The following AIM2 variants were observed in gnomAD, a reference collection of about 807,000 sequenced individuals.
AIM2 encodes absent in melanoma 2, also known as interferon-inducible protein AIM2.
Under a neutral mutation model 27.7 loss-of-function variants are expected in AIM2, and 30 were observed. The observed-to-expected ratio is 1.08, with a 90% CI of 0.81 to 1.47. The LOEUF is 1.47. AIM2 is among the 40% of genes most tolerant of loss of function. The probability of loss-of-function intolerance (pLI) is 0.00; values close to 1 mark genes in which losing one functional copy is unlikely to be tolerated. For missense variants in AIM2, 358 were observed against 411.3 expected (o/e 0.87, Z 1.12); for synonymous variants, 141 against 145.3 (o/e 0.97, Z 0.21).
At chr1:159,125,813 T>C (rs1356323453) in intron 1 of AIM2, among the ~76,000 whole-genome samples, 3 of 152,130 alleles carry the variant, frequency 2.0e-5, no homozygotes, top group African/African-American at 7.2e-5. Flanking sequence ...CTCCAGGAAA[T>C]GCAGGGGTAA....
At chr1:159,077,148 G>C (rs116289675), upstream of AIM2, among the ~76,000 whole-genome samples, 1 of 152,202 alleles carries the variant, frequency 6.6e-6, no homozygotes, top group Non-Finnish European at 1.5e-5. Flanking sequence ...AGACCCAAGC[G>C]AAAGTATAGA....
downstream of AIM2, among the ~76,000 whole-genome samples, chr1:159,060,048 T>G (rs1655781592): frequency 1.3e-5 from 2 of 152,194 alleles, no homozygotes; most frequent in Admixed American, 6.5e-5. Flanking sequence ...TTGTATCAAG[T>G]GGTTTTGAGG....
At chr1:159,079,729 T>C (rs1656730815), upstream of AIM2, among the ~76,000 whole-genome samples, 1 of 152,228 alleles carries the variant, frequency 6.6e-6, no homozygotes, top group South Asian at 2.1e-4. Context: ...GCCACTAGGG[T>C]ACACTTGGTG....
upstream of AIM2, among the ~76,000 whole-genome samples, chr1:159,077,445 A>G (rs2101995262): frequency 6.6e-6 from 1 of 152,356 alleles, no homozygotes; most frequent in Non-Finnish European, 1.5e-5. Flanking sequence ...TATTAAGGGC[A>G]TAATGAAGCT....
chr1:159,056,698 A>G, the AIM2 span, among the ~76,000 whole-genome samples: 1 of 121,938 alleles, frequency 8.2e-6, no homozygotes, highest in South Asian at 3.1e-4. Context: ...AAGGAGAGGG[A>G]GGCCAAAAGC....
intron 4 of AIM2, among the ~76,000 whole-genome samples, chr1:159,064,790 C>T (rs1417113411): frequency 1.3e-5 from 2 of 152,200 alleles, no homozygotes; most frequent in Non-Finnish European, 2.9e-5. Flanking sequence ...AAAACAAGTC[C>T]AGGAGAGACA....
chr1:159,073,470 CA>C lies in AIM2; in HGVS notation c.29del (p.Leu10CysfsTer2), dbSNP rs746093551. The C allele has an allele frequency of 6.2e-7, 1 of 1,614,092 alleles. No individual in the cohort carries two copies. The highest frequency in any genetic ancestry group is 1.1e-5 in the South Asian group (1 of 91,082). On this transcript the variant is annotated frameshift_variant, in exon 2 of 6. Transcript: ENST00000368130. LOFTEE classifies it high-confidence loss of function. Reference sequence around the variant, plus strand: ...CAGTGATGTTATCCAGGCCTGTTAGCAAGAGTATCTCCTTGTATTTACTCTC... The same window carrying C: ...CAGTGATGTTATCCAGGCCTGTTAGCAGAGTATCTCCTTGTATTTACTCTC... Reference protein sequence around the residue: MESKYKEILLLTGLDNITDE... With the variant: MESKYKEILXLTGLDNITDE...
chr1:159,137,955 C>T (rs1487883308), intron 1 of AIM2, among the ~76,000 whole-genome samples: 3 of 152,170 alleles, frequency 2.0e-5, no homozygotes, highest in Non-Finnish European at 2.9e-5. Flanking sequence ...CAGGGTGGGT[C>T]TTCATATAGG....
downstream of AIM2, among the ~76,000 whole-genome samples, chr1:159,060,674 T>C (rs1404024495): frequency 1.3e-5 from 2 of 152,254 alleles, no homozygotes; most frequent in African/African-American, 4.8e-5. Context: ...TGAGTCTGGC[T>C]TCTTTCACTT....
intron 1 of AIM2, among the ~76,000 whole-genome samples, chr1:159,074,792 A>C (rs855870): frequency 0.81 from 122,579 of 152,028 alleles, 52,548 homozygotes; most frequent in South Asian, 0.96. Context: ...TTAAAGGGAA[A>C]CTTATAAAAC....
upstream of AIM2, among the ~76,000 whole-genome samples, chr1:159,142,191 G>A (rs1386134277): frequency 6.6e-6 from 1 of 152,156 alleles, no homozygotes; most frequent in Non-Finnish European, 1.5e-5. Flanking sequence ...GGAACACTGT[G>A]AACAACGGCA....
At chr1:159,095,566 CT>C (rs1203262738) in intron 1 of AIM2, among the ~76,000 whole-genome samples, 1 of 152,292 alleles carries the variant, frequency 6.6e-6, no homozygotes, top group Non-Finnish European at 1.5e-5. Flanking sequence ...ATGTTCTGCA[CT>C]TTTTTCTGGA....
At chr1:159,134,035 A>C (rs1248977951) in intron 1 of AIM2, among the ~76,000 whole-genome samples, 2 of 152,082 alleles carry the variant, frequency 1.3e-5, no homozygotes, top group African/African-American at 4.8e-5. Flanking sequence ...TTCTCCCCCA[A>C]ACTTGGCCTT....
chr1:159,100,589 A>T (rs967369849), intron 1 of AIM2, among the ~76,000 whole-genome samples: 3 of 152,348 alleles, frequency 2.0e-5, no homozygotes, highest in African/African-American at 7.2e-5. Context: ...TCTGAACCTA[A>T]GTTGGCATTA....
chr1:159,126,297 C>A (rs1570979663), intron 1 of AIM2, among the ~76,000 whole-genome samples: 1 of 152,166 alleles, frequency 6.6e-6, no homozygotes, highest in Non-Finnish European at 1.5e-5. Context: ...CAGGTAATAT[C>A]TCTTCCTCCA....
intron 1 of AIM2, among the ~76,000 whole-genome samples, chr1:159,098,888 T>A (rs1478944751): frequency 6.6e-6 from 1 of 152,000 alleles, no homozygotes; most frequent in Admixed American, 6.6e-5. Flanking sequence ...TTATGATGAG[T>A]GCTATGGAGA....
At position 159,065,931 on chromosome 1, in the gene AIM2, A is replaced by G. The variant is rs34419602; in HGVS notation, c.795T>C (p.Asn265=). The G allele has an allele frequency of 4.2e-4, 673 of 1,611,598 alleles. 6 individuals are homozygous for G. The African/African-American group carries it at 8.2e-3, about 20-fold the overall frequency. The change falls in exon 4 of 6, where the codon AAT becomes AAC. Residue 265 remains asparagine, a synonymous_variant. Coordinates refer to ENST00000368130, the MANE Select transcript of AIM2 (RefSeq NM_004833.3). ...TTACCTTCTGGACTACAAACAAACC[A>G]TTCACAATTGTTCCAAGGGGCTGAG... ...LQTQPLGTIV[N]GLFVVQKVTE...
intron 1 of AIM2, among the ~76,000 whole-genome samples, chr1:159,111,831 C>CTTCT (rs1196256283): frequency 7.3e-6 from 1 of 137,582 alleles, no homozygotes; most frequent in South Asian, 2.3e-4. Flanking sequence ...ATCTATCTAT[C>CTTCT]ATCTATCTAT....
At chr1:159,144,025 A>C (rs1008900123), upstream of AIM2, among the ~76,000 whole-genome samples, 1 of 152,232 alleles carries the variant, frequency 6.6e-6, no homozygotes. Flanking sequence ...TGTATAACTT[A>C]CTTGGTTTGA....
Sources: gnomAD v4.1 joint callset for allele counts (sites outside exome capture counted in the v4.1 genomes callset) on GRCh38, gnomAD v4.1.1 for gene constraint, MANE v1.5 for transcripts, NCBI Gene and HGNC (gene_info 2026-07-23, HGNC 2026-07-21) for gene names.